IFIH1: variants seen among roughly 807,000 people sequenced by gnomAD.
IFIH1 encodes the protein interferon induced with helicase C domain 1.
In IFIH1, 125 loss-of-function variants were observed where a neutral mutation model predicts 107.4. The ratio of observed to expected loss-of-function variants is 1.16; its 90% CI spans 1.01 to 1.35. IFIH1 has a LOEUF of 1.35. IFIH1 is among the 40% of genes most tolerant of loss of function. The probability of loss-of-function intolerance (pLI) is 0.00; values close to 1 mark genes in which losing one functional copy is unlikely to be tolerated. For synonymous variants in IFIH1, 458 were observed against 413.2 expected (o/e 1.11, Z -1.31); for missense variants, 1,333 against 1,213.7 (o/e 1.10, Z -1.46).
Position 162,293,562 on chromosome 2 carries a change from A to ACCTGAATCACTTCCCATGGTG in IFIH1, c.855_874+1dup. On this transcript the variant is annotated splice_donor_variant, in intron 4 of 15. Transcript: ENST00000649979. LOFTEE classifies it high-confidence loss of function. ...AAGGTTTACACAACAGTTAGGCAGT[A>ACCTGAATCACTTCCCATGGTG]CCTGAATCACTTCCCATGGTGCCTG... 2.5e-6 allele frequency: 4 copies of ACCTGAATCACTTCCCATGGTG among 1,594,056 alleles called. No homozygotes were observed. The highest frequency in any genetic ancestry group is 3.4e-6 in the Non-Finnish European group (4 of 1,162,730).
Position 162,280,079 on chromosome 2 carries a change from T to G in IFIH1, c.1558A>C (p.Thr520Pro), listed in dbSNP as rs145641024. 6.2e-7 allele frequency: 1 copy of G among 1,605,202 alleles called. No homozygotes were observed. The highest frequency in any genetic ancestry group is 2.2e-5 in the East Asian group (1 of 44,770). Residue 520 changes from threonine (T) to proline (P), a missense_variant, in exon 8 of 16, where the codon ACT (threonine) becomes CCT (proline). Transcript: ENST00000649979. Reference protein sequence around the residue: ...CANLDAFTIKTVKENLDQLKN... With the variant: ...CANLDAFTIKPVKENLDQLKN... ...AGTTGATCAAGGTTTTCTTTAACAGTTTTAATAGTAAATGCATCAAGATTG... is the reference window on the plus strand; with the variant it reads ...AGTTGATCAAGGTTTTCTTTAACAGGTTTAATAGTAAATGCATCAAGATTG...
intron 5 of IFIH1, among the ~76,000 whole-genome samples, chr2:162,287,617 G>T (rs928188771): frequency 6.6e-6 from 1 of 151,760 alleles, no homozygotes; most frequent in Non-Finnish European, 1.5e-5. Flanking sequence ...ACTTGATGTA[G>T]ATACCAAACC....
chr2:162,274,365 ATTG>A (rs1244983650), intron 11 of IFIH1, among the ~76,000 whole-genome samples: 1 of 152,188 alleles, frequency 6.6e-6, no homozygotes, highest in Non-Finnish European at 1.5e-5. Context: ...GCTTTGATAT[ATTG>A]TTTTCAGTCA....
At position 162,318,191 on chromosome 2, in the gene IFIH1, A is replaced by C; in HGVS notation, c.117T>G (p.Pro39=). Reference sequence around the variant, plus strand: ...TCTGAATCTGCTCCTTCACCTCTGCAGGCAGAAAGGTCAGGTAGTCCAGCA... The same window carrying C: ...TCTGAATCTGCTCCTTCACCTCTGCCGGCAGAAAGGTCAGGTAGTCCAGCA... The part of the protein sequence containing the change: ...EPVLDYLTFL[P]AEVKEQIQRT... The change falls in exon 1 of 16, where the codon CCT becomes CCG. Residue 39 remains proline (P), a synonymous_variant. Transcript: ENST00000649979. The C allele has an allele frequency of 6.2e-7, 1 of 1,614,182 alleles. No homozygotes were observed. The highest frequency in any genetic ancestry group is 8.5e-7 in the Non-Finnish European group (1 of 1,180,026).
intron 12 of IFIH1, 132 bp from the exon 13 acceptor site, chr2:162,272,519 GGTAAAGTTA>G: frequency 1.4e-6 from 1 of 703,504 alleles, no homozygotes; most frequent in Non-Finnish European, 2.4e-6. Flanking sequence ...TCTTCAAATG[GGTAAAGTTA>G]GTAAAGTTAG....
intron 1 of IFIH1, among the ~76,000 whole-genome samples, chr2:162,315,937 T>G (rs903081222): frequency 3.3e-5 from 5 of 152,228 alleles, no homozygotes; most frequent in Non-Finnish European, 7.3e-5. Context: ...GCTCAGTCTT[T>G]TGGGGCCTCC....
Position 162,272,246 on chromosome 2 carries a change from G to T in IFIH1, c.2596C>A (p.Pro866Thr). ...KAIHCVQNMK[P>T]EEYAHKILEL... ...AATACCTTATGAGCATACTCCTCTG[G>T]TTTCATATTTTGAACACAATGTATA... Residue 866 changes from proline to threonine, a missense_variant, in exon 13 of 16, where the codon CCA becomes ACA. Physicochemically the swap from Pro to Thr is conservative, Grantham distance 38. Coordinates refer to ENST00000649979, the MANE Select transcript of IFIH1 (RefSeq NM_022168.4). 1 of 1,611,894 alleles carries T rather than the reference G, an allele frequency of 6.2e-7. No individual in the cohort carries two copies. The highest frequency in any genetic ancestry group is 8.5e-7 in the Non-Finnish European group (1 of 1,178,858).
intron 12 of IFIH1, among the ~76,000 whole-genome samples, chr2:162,273,299 T>G (rs1345229179): frequency 6.6e-6 from 1 of 152,186 alleles, no homozygotes; most frequent in African/African-American, 2.4e-5. Context: ...ATTTTTACAT[T>G]TATAAGTCTG....
intron 3 of IFIH1, among the ~76,000 whole-genome samples, chr2:162,294,002 A>G (rs1683043945): frequency 6.6e-6 from 1 of 151,960 alleles, no homozygotes; most frequent in South Asian, 2.1e-4. Flanking sequence ...TTTAGGTTTG[A>G]TATGTCTTTT....
chr2:162,280,181 CT>C, intron 7 of IFIH1, 69 bp from the exon 8 acceptor site: 1 of 823,222 alleles, frequency 1.2e-6, no homozygotes. Context: ...ACGTAGAACT[CT>C]TTTTCATGTA....
chr2:162,303,971 T>C (rs1323375970), intron 3 of IFIH1, among the ~76,000 whole-genome samples: 1 of 152,148 alleles, frequency 6.6e-6, no homozygotes, highest in African/African-American at 2.4e-5. Flanking sequence ...TCGAGTAGCT[T>C]GTAAAGGACA....
intron 3 of IFIH1, among the ~76,000 whole-genome samples, chr2:162,297,538 G>A (rs1193691180): frequency 1.3e-5 from 2 of 151,976 alleles, no homozygotes; most frequent in Non-Finnish European, 2.9e-5. Flanking sequence ...AGAATGATTC[G>A]GTTAGACCAA....
chr2:162,295,345 T>G (rs1453876149), intron 3 of IFIH1, among the ~76,000 whole-genome samples: 2 of 152,034 alleles, frequency 1.3e-5, no homozygotes, highest in Non-Finnish European at 2.9e-5. Context: ...TTATAGTAAT[T>G]GTGATTCATC....
At chr2:162,304,044 A>C (rs1683237209) in intron 3 of IFIH1, among the ~76,000 whole-genome samples, 1 of 152,184 alleles carries the variant, frequency 6.6e-6, no homozygotes, top group Non-Finnish European at 1.5e-5. Context: ...TAGAATCATG[A>C]TTTCTAAAGG....
intron 6 of IFIH1, among the ~76,000 whole-genome samples, chr2:162,281,810 C>A (rs1682815549): frequency 6.6e-6 from 1 of 151,864 alleles, no homozygotes; most frequent in South Asian, 2.1e-4. Context: ...AGCTAAAAAG[C>A]GTTAGATGTG....
At chr2:162,314,458 TTCTTTCTTTCTTTC>T (rs1683447838) in intron 1 of IFIH1, among the ~76,000 whole-genome samples, 4 of 126,896 alleles carry the variant, frequency 3.2e-5, no homozygotes, top group Non-Finnish European at 6.1e-5. Flanking sequence ...CTTTCTTTCT[TTCTTTCTTTCTTTC>T]TTTCTTTCTT....
intron 15 of IFIH1, 32 bp downstream of exon 15, chr2:162,267,447 A>T (rs1469797220): frequency 6.2e-7 from 1 of 1,611,820 alleles, no homozygotes; most frequent in East Asian, 2.2e-5. Context: ...CTGTTGGCTA[A>T]AGTAAAATCT....
intron 3 of IFIH1, among the ~76,000 whole-genome samples, chr2:162,297,093 G>T (rs1683095152): frequency 6.6e-6 from 1 of 151,966 alleles, no homozygotes; most frequent in African/African-American, 2.4e-5. Flanking sequence ...ATAATAGGGA[G>T]AATGCCTTCC....
chr2:162,306,754 T>C lies in IFIH1; in HGVS notation c.724A>G (p.Asn242Asp), dbSNP rs750282329. The change falls in exon 3 of 16, where the codon AAT (asparagine) becomes GAT (aspartate). Residue 242 changes from asparagine (N) to aspartate (D), a missense_variant. Transcript: ENST00000649979. ...NLEKEVWGME[N>D]NSSESSFADS... ...GCAAAAGATGATTCTGATGAGTTAT[T>C]CTCCATGCCCCAGACCTCCTTCTCC... is the stretch of plus-strand genomic sequence containing the variant. The C allele has an allele frequency of 6.2e-7, 1 of 1,613,954 alleles. No homozygotes were observed. The highest frequency in any genetic ancestry group is 8.5e-7 in the Non-Finnish European group (1 of 1,179,894).
Sources: gnomAD v4.1 joint callset for allele counts (sites outside exome capture counted in the v4.1 genomes callset) on GRCh38, gnomAD v4.1.1 for gene constraint, MANE v1.5 for transcripts, NCBI Gene and HGNC (gene_info 2026-07-23, HGNC 2026-07-21) for gene names.